The following ITPR2 variants were observed in gnomAD, a reference collection of about 807,000 sequenced individuals.
The protein encoded by ITPR2 is inositol 1,4,5-trisphosphate-gated calcium channel ITPR2.
Under a neutral mutation model 317.1 loss-of-function variants are expected in ITPR2, and 207 were observed. The ratio of observed to expected loss-of-function variants is 0.65; its 90% CI spans 0.58 to 0.73. The LOEUF (loss-of-function observed/expected upper bound fraction) is 0.73, where lower values mean the gene tolerates loss of function less well. Among genes scored for constraint, ITPR2 ranks in the 30% least tolerant of loss-of-function variants. The pLI, the probability that ITPR2 is intolerant of heterozygous loss-of-function variation, is 0.00. For missense variants in ITPR2, 2,613 were observed against 3,284.0 expected, an observed-to-expected ratio of 0.80 and a Z score of 4.99; for synonymous variants, 1,156 against 1,149.1, an observed-to-expected ratio of 1.01 and a Z score of -0.12.
chr12:26,560,805 A>AT (rs1944796597), intron 35 of ITPR2, among the ~76,000 whole-genome samples: 1 of 152,208 alleles, frequency 6.6e-6, no homozygotes, highest in African/African-American at 2.4e-5. Flanking sequence ...CTAATCCCGT[A>AT]TAACACTCAT....
At chr12:26,749,545 T>G (rs146908355) in intron 2 of ITPR2, among the ~76,000 whole-genome samples, 29 of 152,328 alleles carry the variant, frequency 1.9e-4, no homozygotes, top group African/African-American at 7.0e-4. Context: ...GTGTCAGGGT[T>G]GTAAAATTTC....
chr12:26,625,797 C>T (rs1946609809), intron 23 of ITPR2, among the ~76,000 whole-genome samples: 1 of 152,080 alleles, frequency 6.6e-6, no homozygotes, highest in Non-Finnish European at 1.5e-5. Flanking sequence ...TGGTTATTTC[C>T]AAACACCATG....
intron 2 of ITPR2, among the ~76,000 whole-genome samples, chr12:26,741,327 C>A (rs1348822383): frequency 3.3e-5 from 5 of 152,260 alleles, no homozygotes; most frequent in African/African-American, 7.2e-5. Flanking sequence ...TAGAAACGTT[C>A]TCAACTGCTA....
At chr12:26,529,143 G>A (rs574798123) in intron 37 of ITPR2, among the ~76,000 whole-genome samples, 3 of 152,278 alleles carry the variant, frequency 2.0e-5, no homozygotes, top group African/African-American at 7.2e-5. Flanking sequence ...CTACACTTAA[G>A]CTGACACAGT....
intron 50 of ITPR2, among the ~76,000 whole-genome samples, chr12:26,415,740 C>T (rs560357120): frequency 2.0e-5 from 3 of 152,134 alleles, no homozygotes; most frequent in Non-Finnish European, 4.4e-5. Flanking sequence ...GGTTTCAAAA[C>T]CAACATAATA....
rs10580959 is a variant in ITPR2 at position 26,461,691 on chromosome 12, T to TACAC, written c.6342+13601_6342+13604dup. ...ATATATGCACACATACATATATATA[T>TACAC]ACACACACACACACACACACACACA... On this transcript the variant is annotated intron_variant, in intron 45 of 56. Coordinates refer to ENST00000381340, the MANE Select transcript of ITPR2 (RefSeq NM_002223.4). Among the ~76,000 whole-genome samples the TACAC allele has an allele frequency of 9.6e-4, 119 of 123,802 alleles. 1 individual carries two copies. Among genetic ancestry groups the TACAC allele is most frequent in the African/African-American group, 3.4e-3 (110 of 32,164 alleles). The allele number at this position is 123,802 out of a possible 152,430, so 81.2% of individuals were successfully genotyped here. A position where few individuals can be genotyped will look rare whatever the true frequency, so the allele number is the denominator to read the frequency against.
intron 1 of ITPR2, among the ~76,000 whole-genome samples, chr12:26,799,031 GTCTAA>G (rs1307122168): frequency 1.3e-5 from 2 of 152,106 alleles, no homozygotes; most frequent in Non-Finnish European, 2.9e-5. Context: ...TTTTAGACAT[GTCTAA>G]TTTCAATAAT....
intron 52 of ITPR2, among the ~76,000 whole-genome samples, chr12:26,408,130 T>C (rs1940417078): frequency 6.6e-6 from 1 of 152,226 alleles, no homozygotes. Flanking sequence ...ATCTTATAAC[T>C]TTTTATGTTT....
chr12:26,552,393 T>C (rs974693533), intron 36 of ITPR2, among the ~76,000 whole-genome samples: 9 of 152,178 alleles, frequency 5.9e-5, no homozygotes, highest in Admixed American at 5.9e-4. Context: ...TCTTGCTTTG[T>C]GGCCCAGGCT....
At chr12:26,666,424 G>A (rs1012007055) in intron 13 of ITPR2, among the ~76,000 whole-genome samples, 1 of 152,098 alleles carries the variant, frequency 6.6e-6, no homozygotes, top group African/African-American at 2.4e-5. Context: ...CATGTGAGTC[G>A]CAACTGCACA....
chr12:26,726,378 A>T (rs1209851113), intron 2 of ITPR2, among the ~76,000 whole-genome samples: 1 of 152,206 alleles, frequency 6.6e-6, no homozygotes, highest in Non-Finnish European at 1.5e-5. Context: ...GGAATATTAT[A>T]GTTGTGATAT....
intron 37 of ITPR2, among the ~76,000 whole-genome samples, chr12:26,549,949 T>C (rs1320924380): frequency 6.6e-6 from 1 of 151,972 alleles, no homozygotes; most frequent in African/African-American, 2.4e-5. Context: ...TTACTCATTG[T>C]TTAAAAAGGT....
intron 55 of ITPR2, among the ~76,000 whole-genome samples, chr12:26,380,077 GA>G (rs1005083564): frequency 6.6e-6 from 1 of 152,150 alleles, no homozygotes; most frequent in African/African-American, 2.4e-5. Flanking sequence ...TTCTACCCAT[GA>G]AAATCATTTA....
intron 21 of ITPR2, among the ~76,000 whole-genome samples, chr12:26,644,601 A>G (rs1355625463): frequency 7.2e-5 from 11 of 152,194 alleles, no homozygotes; most frequent in Admixed American, 5.2e-4. Context: ...GCAGCAGGCA[A>G]AGAGCATGTG....
chr12:26,383,460 ATGTTTTTT>A (rs571705627), intron 55 of ITPR2, among the ~76,000 whole-genome samples: 1 of 150,492 alleles, frequency 6.6e-6, no homozygotes, highest in Admixed American at 6.9e-5. Flanking sequence ...AACTTATTCT[ATGTTTTTT>A]TGTTTGTTTG....
At chr12:26,458,218 T>C (rs1941936140) in intron 45 of ITPR2, among the ~76,000 whole-genome samples, 1 of 152,166 alleles carries the variant, frequency 6.6e-6, no homozygotes. Context: ...AAACTGGCAG[T>C]ATGAGTGGAG....
intron 42 of ITPR2, among the ~76,000 whole-genome samples, chr12:26,482,471 A>T (rs1057441538): frequency 1.3e-5 from 2 of 152,234 alleles, no homozygotes; most frequent in Admixed American, 6.5e-5. Flanking sequence ...AGAAGAGACA[A>T]ATGGTATAAT....
At chr12:26,351,040 G>A (rs1173664888) in intron 55 of ITPR2, among the ~76,000 whole-genome samples, 1 of 152,202 alleles carries the variant, frequency 6.6e-6, no homozygotes, top group Non-Finnish European at 1.5e-5. Flanking sequence ...CGGCTGGCAA[G>A]CTACAAGGCC....
intron 13 of ITPR2, among the ~76,000 whole-genome samples, chr12:26,675,798 T>A (rs1947894624): frequency 6.6e-6 from 1 of 152,218 alleles, no homozygotes; most frequent in Non-Finnish European, 1.5e-5. Flanking sequence ...TAGAAAATAA[T>A]TAAATTTTAG....
Sources: allele counts gnomAD v4.1 joint callset (sites outside exome capture counted in the v4.1 genomes callset), GRCh38; gene constraint gnomAD v4.1.1; transcripts MANE v1.5; gene names NCBI Gene and HGNC (gene_info 2026-07-23, HGNC 2026-07-21).